The following ANGPT2 variants were observed in gnomAD, a reference collection of about 807,000 sequenced individuals.
ANGPT2 encodes the protein angiopoietin-2.
Under a neutral mutation model 62.9 loss-of-function variants are expected in ANGPT2, and 28 were observed. The ratio of observed to expected loss-of-function variants is 0.44; its 90% CI spans 0.33 to 0.61. The LOEUF (loss-of-function observed/expected upper bound fraction) is 0.61. ANGPT2 is among the 20% of genes least tolerant of loss of function. The pLI is 0.03. For missense variants in ANGPT2, 727 were observed against 594.9 expected (o/e 1.22, Z -2.31); for synonymous variants, 284 against 207.8 (o/e 1.37, Z -3.15).
intron 5 of ANGPT2, among the ~76,000 whole-genome samples, chr8:6,518,853 TATC>T (rs1373138985): frequency 6.6e-6 from 1 of 152,192 alleles, no homozygotes; most frequent in African/African-American, 2.4e-5. Context: ...TCTCCTGTAA[TATC>T]ATTCTTCCCT....
At chr8:6,504,955 C>G (rs1812986007) in intron 8 of ANGPT2, among the ~76,000 whole-genome samples, 1 of 151,724 alleles carries the variant, frequency 6.6e-6, no homozygotes, top group African/African-American at 2.4e-5. Context: ...CTGAATAAAT[C>G]TCAACAACAC....
chr8:6,508,656 A>G (rs1282686322), intron 8 of ANGPT2: 4 of 586,532 alleles, frequency 6.8e-6, no homozygotes, highest in Non-Finnish European at 1.2e-5. Context: ...AACGCAGGAG[A>G]GCTTGCTAAG....
Position 6,523,933 on chromosome 8 carries a change from G to A in ANGPT2, c.567-2523C>T, listed in dbSNP as rs190745205. 1.2e-3 allele frequency among the ~76,000 whole-genome samples: 176 copies of A among 151,080 alleles called. No homozygotes were observed. The East Asian group carries it at 0.024, about 21-fold the overall frequency. ...TAAGATACAAGAGGAAAATTGGATAGCCTGACACTACATTATTCAGCACCT... is the reference window on the plus strand; with the variant it reads ...TAAGATACAAGAGGAAAATTGGATAACCTGACACTACATTATTCAGCACCT... On this transcript the variant is annotated intron_variant, in intron 3 of 8. Coordinates refer to ENST00000629816, the MANE Select transcript of ANGPT2 (RefSeq NM_001118887.2).
intron 3 of ANGPT2, among the ~76,000 whole-genome samples, chr8:6,527,226 T>A (rs972638749): frequency 6.7e-6 from 1 of 150,314 alleles, no homozygotes; most frequent in African/African-American, 2.4e-5. Flanking sequence ...GAGGATCTTT[T>A]GGGCCAGTGG....
intron 1 of ANGPT2, among the ~76,000 whole-genome samples, chr8:6,540,434 G>T (rs1821333625): frequency 1.3e-5 from 2 of 152,306 alleles, no homozygotes; most frequent in South Asian, 4.1e-4. Context: ...TATGCAAAAG[G>T]TGTCACATTT....
chr8:6,499,977 A>G lies in ANGPT2; in HGVS notation c.*3124T>C. 1 of 1,507,140 alleles carries G rather than the reference A, an allele frequency of 6.6e-7. No individual in the cohort carries two copies. The highest frequency in any genetic ancestry group is 1.4e-5 in the African/African-American group (1 of 72,842). The allele number at this position is 1,507,140 out of a possible 1,614,324, so 93.4% of individuals were successfully genotyped here. ...ATGGTAAATGCAGTTTGCTGTTCTC[A>G]AGAAATTATTATAAACATAAGGGTG... On this transcript the variant is annotated 3_prime_UTR_variant, in exon 9 of 9. Coordinates refer to ENST00000629816, the MANE Select transcript of ANGPT2 (RefSeq NM_001118887.2).
At chr8:6,549,484 G>T (rs1183147938) in intron 1 of ANGPT2, among the ~76,000 whole-genome samples, 3 of 152,220 alleles carry the variant, frequency 2.0e-5, no homozygotes, top group African/African-American at 7.2e-5. Context: ...GAAGCCACGT[G>T]CAGGGTGGGA....
At chr8:6,548,929 A>C (rs1462537059) in intron 1 of ANGPT2, among the ~76,000 whole-genome samples, 2 of 152,174 alleles carry the variant, frequency 1.3e-5, no homozygotes, top group Non-Finnish European at 2.9e-5. Context: ...CCTCCTTGTT[A>C]ACCTCTGGTT....
At chr8:6,542,163 G>C (rs919286808) in intron 1 of ANGPT2, among the ~76,000 whole-genome samples, 1 of 152,108 alleles carries the variant, frequency 6.6e-6, no homozygotes, top group Admixed American at 6.6e-5. Flanking sequence ...CTGAATTTAA[G>C]GCACACTGAA....
At chr8:6,541,261 A>G (rs901102036) in intron 1 of ANGPT2, among the ~76,000 whole-genome samples, 1 of 152,140 alleles carries the variant, frequency 6.6e-6, no homozygotes, top group Non-Finnish European at 1.5e-5. Flanking sequence ...AATGAAGGAG[A>G]AAAATGAGGC....
At chr8:6,515,560 G>A (rs1751437227) in intron 5 of ANGPT2, among the ~76,000 whole-genome samples, 1 of 152,162 alleles carries the variant, frequency 6.6e-6, no homozygotes, top group African/African-American at 2.4e-5. Context: ...TCTTTCTTAA[G>A]CTAAGCGCAT....
chr8:6,509,099 G>T (rs1244153917), intron 7 of ANGPT2, 37 bp from the exon 8 acceptor site: 1 of 1,598,436 alleles, frequency 6.3e-7, no homozygotes, highest in Non-Finnish European at 8.5e-7. Flanking sequence ...CATTGGCTAG[G>T]GTCATTGATT....
intron 1 of ANGPT2, among the ~76,000 whole-genome samples, chr8:6,537,471 C>T (rs576326096): frequency 1.3e-5 from 2 of 152,014 alleles, no homozygotes; most frequent in Non-Finnish European, 2.9e-5. Context: ...AAAAGAGTTG[C>T]GCCCCAGACA....
At chr8:6,549,900 G>T (rs1295111420) in intron 1 of ANGPT2, among the ~76,000 whole-genome samples, 1 of 152,212 alleles carries the variant, frequency 6.6e-6, no homozygotes, top group Non-Finnish European at 1.5e-5. Flanking sequence ...AAAAGAAAAA[G>T]CTAGATTCCC....
At position 6,544,270 on chromosome 8, in the gene ANGPT2, G is replaced by A. The variant is rs143936624; in HGVS notation, c.289-11783C>T. ...AGACCATAGAAAACCCCATAAACACGTTCTACTTCTGTCTGTGGCCAGCAG... is the reference window on the plus strand; with the variant it reads ...AGACCATAGAAAACCCCATAAACACATTCTACTTCTGTCTGTGGCCAGCAG... On this transcript the variant is annotated intron_variant, in intron 1 of 8. Transcript: ENST00000629816. Among the ~76,000 whole-genome samples, 332 of 152,232 alleles carry A rather than the reference G, an allele frequency of 2.2e-3. 1 individual carries two copies. Among genetic ancestry groups the A allele is most frequent in the African/African-American group, 7.2e-3 (301 of 41,534 alleles).
intron 8 of ANGPT2, among the ~76,000 whole-genome samples, chr8:6,504,688 G>C (rs531847991): frequency 1.3e-5 from 2 of 152,206 alleles, no homozygotes; most frequent in South Asian, 2.1e-4. Context: ...GTACACTAAG[G>C]ATGCTAAGAT....
chr8:6,536,787 A>G (rs1370656849), intron 1 of ANGPT2, among the ~76,000 whole-genome samples: 1 of 152,182 alleles, frequency 6.6e-6, no homozygotes, highest in Non-Finnish European at 1.5e-5. Flanking sequence ...ACTTGGATAG[A>G]CAGACCTTGA....
chr8:6,515,186 C>T lies in ANGPT2; in HGVS notation c.928-408G>A, dbSNP rs761984173. Reference sequence around the variant, plus strand: ...AAAACCATTGACTTGTGTTCACAGCCTTGAAACCTTTCACTAAATGCCAGC... The same window carrying T: ...AAAACCATTGACTTGTGTTCACAGCTTTGAAACCTTTCACTAAATGCCAGC... On this transcript the variant is annotated intron_variant, in intron 5 of 8. Coordinates refer to ENST00000629816, the MANE Select transcript of ANGPT2 (RefSeq NM_001118887.2). Among the ~76,000 whole-genome samples the T allele has an allele frequency of 2.0e-5, 3 of 148,912 alleles. No homozygotes were observed. In the East Asian group the frequency reaches 5.9e-4, roughly 29 times the overall value.
intron 7 of ANGPT2, among the ~76,000 whole-genome samples, chr8:6,511,010 C>G (rs1171411393): frequency 6.6e-6 from 1 of 152,224 alleles, no homozygotes; most frequent in East Asian, 1.9e-4. Flanking sequence ...CCATTGTCTT[C>G]CCATTAATCA....
Sources: allele counts gnomAD v4.1 joint callset (sites outside exome capture counted in the v4.1 genomes callset), GRCh38; gene constraint gnomAD v4.1.1; transcripts MANE v1.5; gene names NCBI Gene and HGNC (gene_info 2026-07-23, HGNC 2026-07-21).